Variants in EFHC2 observed in about 807,000 individuals in gnomAD.
The protein encoded by EFHC2 is EF-hand domain containing 2, also known as EF-hand domain-containing family member C2.
Under a neutral mutation model 52.7 loss-of-function variants are expected in EFHC2, and 18 were observed. The ratio of observed to expected loss-of-function variants is 0.34; its 90% CI spans 0.24 to 0.51. EFHC2 has a LOEUF of 0.51. Ranked by LOEUF, EFHC2 falls within the 20% of genes least tolerant of loss-of-function variation. EFHC2 has a pLI of 0.97. For missense variants in EFHC2, 513 were observed against 562.5 expected (o/e 0.91, Z 0.89); for synonymous variants, 203 against 204.1 (o/e 0.99, Z 0.04).
At chrX:44,278,632 C>T (rs1395051072) in intron 2 of EFHC2, among the ~76,000 whole-genome samples, 3 of 111,213 alleles carry the variant, frequency 2.7e-5, no homozygotes, top group Non-Finnish European at 5.7e-5. Flanking sequence ...CTTCTCCCTT[C>T]CTCCTTCCCT....
At chrX:44,181,498 C>T (rs2036835455) in intron 11 of EFHC2, among the ~76,000 whole-genome samples, 1 of 112,045 alleles carries the variant, frequency 8.9e-6, no homozygotes, top group Non-Finnish European at 1.9e-5. Context: ...CTTATTATAG[C>T]ACCACCAGAA....
At chrX:44,311,770 C>T (rs1184458244) in intron 2 of EFHC2, among the ~76,000 whole-genome samples, 1 of 111,729 alleles carries the variant, frequency 9.0e-6, no homozygotes, top group Non-Finnish European at 1.9e-5. Context: ...ACATTTTAGC[C>T]CTTAGGGATG....
At chrX:44,282,696 ACAC>A (rs1259432072) in intron 2 of EFHC2, among the ~76,000 whole-genome samples, 4 of 82,953 alleles carry the variant, frequency 4.8e-5, no homozygotes, top group Non-Finnish European at 7.0e-5. Context: ...CAAAAAAAAA[ACAC>A]CACAAGACTG....
At chrX:44,313,095 C>CAAAAAAAAAAAAAAAA (rs1276344069) in intron 1 of EFHC2, among the ~76,000 whole-genome samples, 2 of 50,061 alleles carry the variant, frequency 4.0e-5, no homozygotes, top group African/African-American at 6.1e-5. Context: ...ATGCAAACAG[C>CAAAAAAAAAAAAAAAA]AAAAAAAAAA....
At chrX:44,298,842 C>T (rs1329998726) in intron 2 of EFHC2, among the ~76,000 whole-genome samples, 1 of 72,737 alleles carries the variant, frequency 1.4e-5, no homozygotes, top group African/African-American at 6.0e-5. Context: ...GCCTGGGCAA[C>T]AGAGTGAGAC....
intron 2 of EFHC2, among the ~76,000 whole-genome samples, chrX:44,304,507 G>A (rs1053092720): frequency 7.2e-5 from 8 of 111,394 alleles, no homozygotes; most frequent in African/African-American, 1.6e-4. Flanking sequence ...GAGGACAACC[G>A]TCTATATTTG....
At chrX:44,154,965 G>A (rs1312423323) in intron 14 of EFHC2, among the ~76,000 whole-genome samples, 2 of 111,756 alleles carry the variant, frequency 1.8e-5, no homozygotes, top group African/African-American at 3.3e-5. Context: ...CCACAGCACA[G>A]CTTGAAACAA....
intron 11 of EFHC2, among the ~76,000 whole-genome samples, chrX:44,198,937 G>C (rs1236518405): frequency 3.6e-5 from 4 of 111,727 alleles, no homozygotes; most frequent in African/African-American, 9.7e-5. Flanking sequence ...TGAGTCTCTA[G>C]GTATAAAAAA....
At chrX:44,149,392 T>C (rs1266308179) in intron 14 of EFHC2, among the ~76,000 whole-genome samples, 1 of 112,478 alleles carries the variant, frequency 8.9e-6, no homozygotes, top group East Asian at 2.8e-4. Context: ...CTGACCTACA[T>C]GCCCATAGAC....
chrX:44,181,365 C>T (rs1203425199), intron 11 of EFHC2, among the ~76,000 whole-genome samples: 5 of 109,300 alleles, frequency 4.6e-5, no homozygotes, highest in Admixed American at 2.9e-4. Context: ...AAAAAACATT[C>T]GAAAGCATTT....
At chrX:44,336,855 T>G (rs775195093) in intron 1 of EFHC2, among the ~76,000 whole-genome samples, 51 of 112,262 alleles carry the variant, frequency 4.5e-4, no homozygotes, top group African/African-American at 1.6e-3. Context: ...AAGACTGTTA[T>G]GTACATACAG....
intron 7 of EFHC2, among the ~76,000 whole-genome samples, chrX:44,243,538 G>T (rs981643535): frequency 8.9e-6 from 1 of 111,830 alleles, no homozygotes; most frequent in Non-Finnish European, 1.9e-5. Flanking sequence ...TTTAACTGAT[G>T]ATCAAAAGGC....
At chrX:44,297,561 T>TA (rs1376521653) in intron 2 of EFHC2, among the ~76,000 whole-genome samples, 4 of 107,874 alleles carry the variant, frequency 3.7e-5, no homozygotes, top group African/African-American at 6.8e-5. Context: ...CCATCTATAC[T>TA]AAAAAAAATA....
intron 2 of EFHC2, among the ~76,000 whole-genome samples, chrX:44,296,650 ACTG>A (rs1448586570): frequency 8.9e-6 from 1 of 112,086 alleles, no homozygotes; most frequent in South Asian, 3.7e-4. Flanking sequence ...CCTATTACTG[ACTG>A]CTATTAGTTC....
At chrX:44,299,871 G>A (rs1014195114) in intron 2 of EFHC2, among the ~76,000 whole-genome samples, 4 of 111,204 alleles carry the variant, frequency 3.6e-5, no homozygotes, top group South Asian at 3.8e-4. Flanking sequence ...TGTTATCATC[G>A]GGGAAAGCTG....
At chrX:44,166,943 C>T (rs2036700511) in intron 13 of EFHC2, among the ~76,000 whole-genome samples, 1 of 111,956 alleles carries the variant, frequency 8.9e-6, no homozygotes, top group South Asian at 3.7e-4. Context: ...GGTCTTGCTA[C>T]TTCTACTCTT....
intron 8 of EFHC2, among the ~76,000 whole-genome samples, chrX:44,237,467 T>C (rs922187936): frequency 3.6e-5 from 4 of 111,730 alleles, no homozygotes; most frequent in Non-Finnish European, 7.5e-5. Context: ...TTTATTCCCG[T>C]TGTCCCCAAA....
intron 13 of EFHC2, among the ~76,000 whole-genome samples, chrX:44,171,585 C>T (rs961643273): frequency 1.3e-4 from 14 of 111,418 alleles, no homozygotes; most frequent in Non-Finnish European, 2.6e-4. Context: ...TGGGCCTCTG[C>T]GTCAAGTTGC....
chrX:44,338,926 C>T (rs1049299620), intron 1 of EFHC2, among the ~76,000 whole-genome samples: 2 of 111,732 alleles, frequency 1.8e-5, no homozygotes, highest in African/African-American at 6.5e-5. Context: ...CGCGGTGGCT[C>T]ACGCCTGTAA....
Sources: allele counts gnomAD v4.1 joint callset (sites outside exome capture counted in the v4.1 genomes callset), GRCh38; gene constraint gnomAD v4.1.1; transcripts MANE v1.5; gene names NCBI Gene and HGNC (gene_info 2026-07-23, HGNC 2026-07-21).